TLE2: variants seen among roughly 807,000 people sequenced by gnomAD.
TLE2 encodes the protein transducin-like enhancer protein 2.
TLE2 carries 74 observed loss-of-function variants against 97.2 expected under a neutral mutation model. That is an observed-to-expected ratio of 0.76 (90% confidence interval 0.63 to 0.92). The LOEUF is 0.92. TLE2 is among the 40% of genes least tolerant of loss of function. The probability of loss-of-function intolerance (pLI) is 0.00; values close to 1 mark genes in which losing one functional copy is unlikely to be tolerated. For missense variants in TLE2, 1,038 were observed against 1,008.7 expected, an observed-to-expected ratio of 1.03 and a Z score of -0.39; for synonymous variants, 499 against 432.1, an observed-to-expected ratio of 1.15 and a Z score of -1.92.
Position 3,009,031 on chromosome 19 carries a change from T to C in TLE2, c.1174-86A>G. The C allele has an allele frequency of 2.8e-6, 3 of 1,085,232 alleles. No individual in the cohort carries two copies. The South Asian group carries it at 5.0e-5, about 18-fold the overall frequency. 67.2% of individuals were successfully genotyped at this position (1,085,232 alleles called of 1,614,324 possible). A position where few individuals can be genotyped will look rare whatever the true frequency, so the allele number is the denominator to read the frequency against. ...CCCACGCCCACCTGCCATACCCCTCTCTGTTTATCACCCCTCCCCAAGGCA... is the reference window on the plus strand; with the variant it reads ...CCCACGCCCACCTGCCATACCCCTCCCTGTTTATCACCCCTCCCCAAGGCA... On this transcript the variant is annotated intron_variant, in intron 13 of 19. Coordinates refer to ENST00000262953, the MANE Select transcript of TLE2 (RefSeq NM_003260.5).
In TLE2 at chr19:3,015,778, C is replaced by G. The variant is rs780780436; in HGVS notation, c.571-18G>C. ...GATGCACTCTGCGGAGAGACAAAGG[C>G]CGGGGGGAGAAAGGGTCAGGGCCCT... On this transcript the variant is annotated intron_variant, in intron 8 of 19. Transcript: ENST00000262953. 1 of 1,577,216 alleles carries G rather than the reference C, an allele frequency of 6.3e-7. No individual in the cohort carries two copies. The highest frequency in any genetic ancestry group is 1.1e-5 in the South Asian group (1 of 87,272).
Position 3,019,568 on chromosome 19 carries a change from G to A in TLE2, c.370-105C>T. ...GGGATGGGACCTAAGCACAGCATGTGCCCCTGGGGTTCCCAGGACCACTGG... is the reference window on the plus strand; with the variant it reads ...GGGATGGGACCTAAGCACAGCATGTACCCCTGGGGTTCCCAGGACCACTGG... On this transcript the variant is annotated intron_variant, in intron 6 of 19. Coordinates refer to ENST00000262953, the MANE Select transcript of TLE2 (RefSeq NM_003260.5). This position sits in a 1 kb window ranked among gnomAD's most constrained non-coding sequence, Gnocchi z 5.1. The A allele has an allele frequency of 2.7e-6, 4 of 1,497,672 alleles. No homozygotes were observed. Among genetic ancestry groups the A allele is most frequent in the Non-Finnish European group, 3.6e-6 (4 of 1,119,300 alleles). 92.8% of individuals were successfully genotyped at this position (1,497,672 alleles called of 1,614,324 possible).
Position 3,015,777 on chromosome 19 carries a change from GC to G in TLE2, c.571-18del. The G allele has an allele frequency of 6.3e-7, 1 of 1,577,008 alleles. No homozygotes were observed. The highest frequency in any genetic ancestry group is 8.6e-7 in the Non-Finnish European group (1 of 1,158,374). On this transcript the variant is annotated intron_variant, in intron 8 of 19. Coordinates refer to ENST00000262953, the MANE Select transcript of TLE2 (RefSeq NM_003260.5). ...AGATGCACTCTGCGGAGAGACAAAG[GC>G]CGGGGGGAGAAAGGGTCAGGGCCCT...
In TLE2 at chr19:2,997,721, G is replaced by T; in HGVS notation, c.*127C>A. The T allele has an allele frequency of 1.5e-6, 1 of 673,528 alleles. No individual in the cohort carries two copies. Among genetic ancestry groups the T allele is most frequent in the Non-Finnish European group, 2.6e-6 (1 of 378,274 alleles). The allele number at this position is 673,528 out of a possible 1,614,324, so 41.7% of individuals were successfully genotyped here. On this transcript the variant is annotated 3_prime_UTR_variant, in exon 20 of 20. Coordinates refer to ENST00000262953, the MANE Select transcript of TLE2 (RefSeq NM_003260.5). ...ATGCAGCAGGGGAAGGTGTGAAGCC[G>T]TTGGCCAGAGAGCAGATGGGATGTA...
At chr19:3,003,215 C>CAGGGAGGAGGGAGAGAGG (rs1939563912) in intron 17 of TLE2, among the ~76,000 whole-genome samples, 2 of 152,148 alleles carry the variant, frequency 1.3e-5, no homozygotes, top group South Asian at 2.1e-4. Flanking sequence ...CACAACAGCA[C>CAGGGAGGAGGGAGAGAGG]AGGGAGGAGG....
At chr19:3,026,978 TATCTCAGAACCCTGAGGTCA>T (rs1368688241) in intron 4 of TLE2, among the ~76,000 whole-genome samples, 1 of 150,038 alleles carries the variant, frequency 6.7e-6, no homozygotes, top group Non-Finnish European at 1.5e-5. Context: ...ATTTGAGGTC[TATCTCAGAACCCTGAGGTCA>T]ATCTCAGAGC....
chr19:3,011,529 C>CAAA (rs34102685), intron 11 of TLE2, among the ~76,000 whole-genome samples: 1 of 116,914 alleles, frequency 8.6e-6, no homozygotes, highest in Non-Finnish European at 1.8e-5. Context: ...GACTCCATCT[C>CAAA]AAAAAAAAAA....
chr19:3,033,138 G>A (rs1391269897), upstream of TLE2, among the ~76,000 whole-genome samples: 2 of 150,320 alleles, frequency 1.3e-5, no homozygotes, highest in African/African-American at 4.9e-5. Context: ...TCAGCTTCTC[G>A]AGCAGCTGGG....
intron 12 of TLE2, among the ~76,000 whole-genome samples, chr19:3,010,024 A>G (rs1457198663): frequency 2.0e-5 from 3 of 151,538 alleles, no homozygotes; most frequent in Non-Finnish European, 4.4e-5. Context: ...AGCTGGGACT[A>G]TGGCCATTCT....
chr19:3,026,590 T>TCAGAACC (rs1486457078), intron 4 of TLE2, among the ~76,000 whole-genome samples: 2,543 of 142,634 alleles, frequency 0.018, 64 homozygotes, highest in African/African-American at 0.064. Flanking sequence ...GAGGTCTATC[T>TCAGAACC]CTGAACCCTG....
chr19:3,015,540 G>C, intron 9 of TLE2, 113 bp downstream of exon 9: 1 of 775,606 alleles, frequency 1.3e-6, no homozygotes, highest in Non-Finnish European at 2.2e-6. Flanking sequence ...GGAGCTATGG[G>C]AGGCTCCGGA....
rs1299576013 is a variant in TLE2, at chr19:3,006,375, A to AC, written c.1500+44dup. On this transcript the variant is annotated intron_variant, in intron 15 of 19. Coordinates refer to ENST00000262953, the MANE Select transcript of TLE2 (RefSeq NM_003260.5). The stretch of plus-strand genomic sequence containing the variant: ...ACCGCCCCATTGGAACATAAGCCCC[A>AC]CCCCTCACCTGTGAGTCCCGCCCAC... 9 of 1,583,194 alleles carry AC rather than the reference A, an allele frequency of 5.7e-6. 1 individual carries two copies. Among genetic ancestry groups the AC allele is most frequent in the East Asian group, 2.3e-5 (1 of 44,270 alleles).
At chr19:3,017,538 C>T (rs1422494094) in intron 8 of TLE2, among the ~76,000 whole-genome samples, 2 of 148,130 alleles carry the variant, frequency 1.4e-5, no homozygotes, top group East Asian at 4.0e-4. Context: ...TCAGCCTTGG[C>T]CTTCTGGGCT....
rs140084584 is a variant in TLE2 at position 3,019,539 on chromosome 19, A to G, written c.370-76T>C. The stretch of plus-strand genomic sequence containing the variant: ...GCGGTCCCCAGCCCAAGAGGTAGAC[A>G]CAGGGGATGGGACCTAAGCACAGCA... On this transcript the variant is annotated intron_variant, in intron 6 of 19. Coordinates refer to ENST00000262953, the MANE Select transcript of TLE2 (RefSeq NM_003260.5). The surrounding 1 kb of genome is among the most constrained non-coding windows in gnomAD (Gnocchi z 5.1). 507 of 1,483,812 alleles carry G rather than the reference A, an allele frequency of 3.4e-4. 3 individuals are homozygous for G. In the African/African-American group the frequency reaches 6.3e-3, roughly 19 times the overall value. 91.9% of individuals were successfully genotyped at this position (1,483,812 alleles called of 1,614,324 possible). A position where few individuals can be genotyped will look rare whatever the true frequency, so the allele number is the denominator to read the frequency against.
chr19:3,018,515 A>T (rs1175508719), intron 7 of TLE2, among the ~76,000 whole-genome samples: 1 of 151,446 alleles, frequency 6.6e-6, no homozygotes, highest in Non-Finnish European at 1.5e-5. Context: ...CTGGTCTCAA[A>T]CTCCTGACCT....
In TLE2 at chr19:3,002,342, A is replaced by G. The variant is rs776837025; in HGVS notation, c.2047+11T>C. On this transcript the variant is annotated intron_variant, in intron 18 of 19. Transcript: ENST00000262953. ...TTTTGAGGGCGTGCCACCCCGCCCCAGAAGACACACCGCAGGAGGCAAACT... is the reference window on the plus strand; with the variant it reads ...TTTTGAGGGCGTGCCACCCCGCCCCGGAAGACACACCGCAGGAGGCAAACT... 2.5e-6 allele frequency: 4 copies of G among 1,602,166 alleles called. No individual in the cohort carries two copies. The highest frequency in any genetic ancestry group is 3.4e-6 in the Non-Finnish European group (4 of 1,172,602).
intron 7 of TLE2, among the ~76,000 whole-genome samples, chr19:3,018,966 GT>G (rs2089778416): frequency 6.6e-6 from 1 of 152,096 alleles, no homozygotes; most frequent in South Asian, 2.1e-4. Flanking sequence ...GTCTTGCTAT[GT>G]TGCTTGGGCT....
intron 1 of TLE2, among the ~76,000 whole-genome samples, chr19:3,035,299 C>A (rs1328245316): frequency 6.6e-6 from 1 of 152,132 alleles, no homozygotes; most frequent in African/African-American, 2.4e-5. Flanking sequence ...GAGCAGGAAG[C>A]AGGGAAGCAA....
chr19:3,002,494 G>A lies in TLE2; in HGVS notation c.1906C>T (p.Leu636=), dbSNP rs543765194. The change falls in exon 18 of 20, where the codon CTG becomes TTG. Residue 636 remains leucine (L), a synonymous_variant. Transcript: ENST00000262953. ...CAGTCCTGGTTAGGGCAGTGGCCCA[G>A]GGAGAAAATCTGGGGGTAAAGAGGG... ...QHDFSSQIFS[L]GHCPNQDWLA... 3 of 1,574,034 alleles carry A rather than the reference G, an allele frequency of 1.9e-6. No homozygotes were observed. The African/African-American group carries it at 4.1e-5, about 21-fold the overall frequency.
Sources: gnomAD v4.1 joint callset for allele counts (sites outside exome capture counted in the v4.1 genomes callset) on GRCh38, gnomAD v4.1.1 for gene constraint, Gnocchi (gnomAD v3.1) non-coding constraint, MANE v1.5 for transcripts, NCBI Gene and HGNC (gene_info 2026-07-23, HGNC 2026-07-21) for gene names.